Variants in TENM3 observed in about 807,000 individuals in gnomAD.
TENM3 encodes the protein teneurin-3.
In TENM3, 63 loss-of-function variants were observed where a neutral mutation model predicts 255.1. That is an observed-to-expected ratio of 0.25 (90% CI 0.20 to 0.30). The LOEUF (loss-of-function observed/expected upper bound fraction) is 0.30. TENM3 is among the 10% of genes least tolerant of loss of function. The pLI, the probability that TENM3 is intolerant of heterozygous loss-of-function variation, is 1.00. For missense variants in TENM3, 2,929 were observed against 3,461.1 expected (o/e 0.85, Z 3.86); for synonymous variants, 1,306 against 1,322.3 (o/e 0.99, Z 0.27).
intron 4 of TENM3, among the ~76,000 whole-genome samples, chr4:182,602,702 A>G (rs1748016456): frequency 2.0e-5 from 3 of 152,192 alleles, no homozygotes; most frequent in African/African-American, 7.2e-5. Flanking sequence ...TTCACTTAAG[A>G]CACAGTCATG....
At chr4:182,344,649 C>A (rs529549386) in intron 2 of TENM3, among the ~76,000 whole-genome samples, 19 of 152,068 alleles carry the variant, frequency 1.2e-4, no homozygotes, top group Non-Finnish European at 2.8e-4. Flanking sequence ...TTTTATTTCT[C>A]TTTTCATTTC....
At chr4:182,729,899 A>G (rs1025809755) in intron 14 of TENM3, among the ~76,000 whole-genome samples, 1 of 152,202 alleles carries the variant, frequency 6.6e-6, no homozygotes, top group South Asian at 2.1e-4. Context: ...ATGACTTATG[A>G]AAAAAGCACA....
rs375303907 is a variant in TENM3 at position 182,738,481 on chromosome 4, T to A, written c.3316T>A (p.Leu1106Met). 1 of 1,613,412 alleles carries A rather than the reference T, an allele frequency of 6.2e-7. No individual in the cohort carries two copies. The highest frequency in any genetic ancestry group is 8.5e-7 in the Non-Finnish European group (1 of 1,179,622). ...GACTGCCATTCTGCAGGGCTATGAATTGGATGCGTCCAACATGGGTGGCTG... is the reference window on the plus strand; with the variant it reads ...GACTGCCATTCTGCAGGGCTATGAAATGGATGCGTCCAACATGGGTGGCTG... ...KRTAILQGYE[L>M]DASNMGGWTL... Residue 1106 changes from leucine (L) to methionine (M), a missense_variant, in exon 18 of 28, where the codon TTG becomes ATG. This residue lies in a region of TENM3 where 1,608 missense variants were observed against 1,884.4 expected (regional missense o/e 0.85). Coordinates refer to ENST00000511685, the MANE Select transcript of TENM3 (RefSeq NM_001080477.4).
At chr4:182,270,520 C>T (rs780830753) in intron 1 of TENM3, among the ~76,000 whole-genome samples, 4 of 152,154 alleles carry the variant, frequency 2.6e-5, no homozygotes, top group East Asian at 1.9e-4. Context: ...GTATAGGAGG[C>T]GTGTCTGACC....
At chr4:182,704,199 C>T (rs1252202205) in intron 12 of TENM3, among the ~76,000 whole-genome samples, 2 of 151,974 alleles carry the variant, frequency 1.3e-5, no homozygotes, top group East Asian at 1.9e-4. Flanking sequence ...GTTACTAACA[C>T]GTGTATGTTT....
At chr4:182,790,718 T>C (rs899768295) in intron 25 of TENM3, among the ~76,000 whole-genome samples, 3 of 152,238 alleles carry the variant, frequency 2.0e-5, no homozygotes, top group African/African-American at 7.2e-5. Context: ...GAGAGGATCA[T>C]GGCTTCGTTC....
chr4:182,030,008 CT>C, the TENM3 span, among the ~76,000 whole-genome samples: 434 of 54,698 alleles, frequency 7.9e-3, 11 homozygotes, highest in African/African-American at 0.023. Flanking sequence ...TCCTTTTTTT[CT>C]TTTTTTTTTT....
At chr4:182,457,993 A>G (rs528063140) in intron 3 of TENM3, among the ~76,000 whole-genome samples, 112 of 152,360 alleles carry the variant, frequency 7.4e-4, no homozygotes, top group Non-Finnish European at 1.1e-3. Context: ...ATACCAGTCT[A>G]TAACTTTTCA....
chr4:181,578,940 C>G, the TENM3 span, among the ~76,000 whole-genome samples: 1 of 152,066 alleles, frequency 6.6e-6, no homozygotes, highest in African/African-American at 2.4e-5. Flanking sequence ...GAAGGGGGCA[C>G]GATTCAGCCC....
At chr4:182,696,734 A>C (rs1757454277) in intron 12 of TENM3, among the ~76,000 whole-genome samples, 1 of 152,120 alleles carries the variant, frequency 6.6e-6, no homozygotes, top group Non-Finnish European at 1.5e-5. Context: ...AAAAAAAAAA[A>C]CAAAAATGCA....
intron 1 of TENM3, among the ~76,000 whole-genome samples, chr4:182,200,007 G>A (rs557142401): frequency 6.6e-6 from 1 of 152,230 alleles, no homozygotes; most frequent in Admixed American, 6.5e-5. Flanking sequence ...GATTAGGCAT[G>A]AGCCACTGTG....
intron 1 of TENM3, among the ~76,000 whole-genome samples, chr4:182,255,438 AGCATT>A (rs1326361009): frequency 2.0e-5 from 3 of 152,210 alleles, no homozygotes; most frequent in Admixed American, 6.5e-5. Flanking sequence ...TCACTCCCCT[AGCATT>A]GTATTGCCAA....
chr4:182,648,239 G>A (rs1426667194), intron 5 of TENM3, among the ~76,000 whole-genome samples: 1 of 151,614 alleles, frequency 6.6e-6, no homozygotes, highest in Non-Finnish European at 1.5e-5. Context: ...GTAAAAAAAT[G>A]TATGTTATTT....
the TENM3 span, among the ~76,000 whole-genome samples, chr4:181,869,923 C>A: frequency 6.6e-6 from 1 of 152,098 alleles, no homozygotes; most frequent in Non-Finnish European, 1.5e-5. Context: ...CATGGAAATA[C>A]TCCATTGAGC....
chr4:181,920,687 T>C, the TENM3 span, among the ~76,000 whole-genome samples: 1 of 151,794 alleles, frequency 6.6e-6, no homozygotes, highest in African/African-American at 2.4e-5. Context: ...GTAGGTTGCC[T>C]GTTCACTCTG....
chr4:181,523,283 G>A, the TENM3 span, among the ~76,000 whole-genome samples: 2 of 152,132 alleles, frequency 1.3e-5, no homozygotes, highest in Non-Finnish European at 2.9e-5. Flanking sequence ...ACATTCAAAT[G>A]AGTGCGTTAA....
intron 1 of TENM3, among the ~76,000 whole-genome samples, chr4:182,180,147 C>G (rs1039954479): frequency 6.7e-6 from 1 of 149,644 alleles, no homozygotes; most frequent in African/African-American, 2.5e-5. Context: ...TTTTTTAAAT[C>G]TGAATTTTGA....
At chr4:182,058,967 T>TGTGC in the TENM3 span, among the ~76,000 whole-genome samples, 4 of 151,418 alleles carry the variant, frequency 2.6e-5, no homozygotes, top group Non-Finnish European at 5.9e-5. Context: ...TGTGTGTGTG[T>TGTGC]GTGTGTGTGT....
chr4:182,358,647 A>G (rs1451762769), intron 3 of TENM3, among the ~76,000 whole-genome samples: 3 of 151,076 alleles, frequency 2.0e-5, no homozygotes, highest in African/African-American at 4.9e-5. Flanking sequence ...CTAGATATAC[A>G]ATCATGTCGT....
Sources: allele counts gnomAD v4.1 joint callset (sites outside exome capture counted in the v4.1 genomes callset), GRCh38; gene constraint gnomAD v4.1.1; regional missense constraint gnomAD v4.1.1; transcripts MANE v1.5; gene names NCBI Gene and HGNC (gene_info 2026-07-23, HGNC 2026-07-21).